Variants in GARRE1 observed in about 807,000 individuals in gnomAD.
GARRE1 encodes granule associated Rac and RHOG effector 1, also known as granule associated Rac and RHOG effector protein 1.
In GARRE1, 49 loss-of-function variants were observed where a neutral mutation model predicts 103.2. The observed-to-expected ratio is 0.47, with a 90% CI of 0.38 to 0.60. The LOEUF (loss-of-function observed/expected upper bound fraction) is 0.60, where lower values mean the gene tolerates loss of function less well. GARRE1 is among the 20% of genes least tolerant of loss of function. GARRE1 has a pLI of 0.00. For synonymous variants in GARRE1, 505 were observed against 532.8 expected, an observed-to-expected ratio of 0.95 and a Z score of 0.72; for missense variants, 1,199 against 1,370.5, an observed-to-expected ratio of 0.87 and a Z score of 1.98.
chr19:34,270,879 G>A (rs1049660344), intron 1 of GARRE1, among the ~76,000 whole-genome samples: 1 of 152,158 alleles, frequency 6.6e-6, no homozygotes, highest in African/African-American at 2.4e-5. Flanking sequence ...CTTTGTAGGG[G>A]CTGTCTTGTG....
At chr19:34,285,187 T>C (rs1358786315) in intron 1 of GARRE1, 2 of 152,230 alleles carry the variant, frequency 1.3e-5, no homozygotes, top group Non-Finnish European at 2.9e-5. Context: ...GCAAGTGATA[T>C]GATGCACCTC....
rs1198148036 is a variant in GARRE1 at position 34,311,062 on chromosome 19, C to T, written c.496-8845C>T. ...AGGGTGGAGTGCAGTGGAACAATCA[C>T]AGTTCACTGCAGCCTGAACTCCTGG... On this transcript the variant is annotated intron_variant, in intron 2 of 13. Transcript: ENST00000299505. 2.7e-4 allele frequency among the ~76,000 whole-genome samples: 41 copies of T among 152,044 alleles called. 1 individual carries two copies. Among genetic ancestry groups the T allele is most frequent in the Admixed American group, 2.7e-3 (41 of 15,266 alleles).
intron 1 of GARRE1, among the ~76,000 whole-genome samples, chr19:34,290,705 T>TCAA (rs1360281023): frequency 6.6e-6 from 1 of 151,820 alleles, no homozygotes; most frequent in East Asian, 1.9e-4. Flanking sequence ...CCCGGGCTGG[T>TCAA]CTTGAACTCC....
intron 1 of GARRE1, chr19:34,296,419 G>A (rs546749245): frequency 1.1e-5 from 18 of 1,578,958 alleles, no homozygotes; most frequent in South Asian, 5.5e-5. Flanking sequence ...GTGCGGGCAC[G>A]AGCACACTTC....
At chr19:34,327,353 A>G (rs2074116238) in intron 3 of GARRE1, 68 bp from the exon 4 acceptor site, 1 of 1,407,832 alleles carries the variant, frequency 7.1e-7, no homozygotes, top group Non-Finnish European at 9.9e-7. Flanking sequence ...TGTTGTTGTT[A>G]TTGTTGGTCT....
At chr19:34,296,239 G>C (rs7247747) in intron 1 of GARRE1, 55,587 of 616,480 alleles carry the variant, frequency 0.09, 3,720 homozygotes, top group African/African-American at 0.21. Flanking sequence ...GGGGGTCGCA[G>C]CAGTCCTTCT....
At chr19:34,279,756 C>T (rs911414843) in intron 1 of GARRE1, among the ~76,000 whole-genome samples, 7 of 151,918 alleles carry the variant, frequency 4.6e-5, no homozygotes, top group Admixed American at 4.6e-4. Flanking sequence ...GAGGCCGAGG[C>T]GGGCGGATCA....
At chr19:34,309,308 AT>A (rs2074026277) in intron 2 of GARRE1, among the ~76,000 whole-genome samples, 1 of 152,210 alleles carries the variant, frequency 6.6e-6, no homozygotes. Context: ...GTTAAGCAAT[AT>A]AACAACCAAA....
chr19:34,340,690 T>C (rs140221390), intron 9 of GARRE1, among the ~76,000 whole-genome samples: 269 of 152,150 alleles, frequency 1.8e-3, no homozygotes, highest in Non-Finnish European at 3.3e-3. Context: ...GCCCAGCTAA[T>C]TTTTGTATTT....
At chr19:34,310,538 C>A (rs328413) in intron 2 of GARRE1, among the ~76,000 whole-genome samples, 3 of 152,048 alleles carry the variant, frequency 2.0e-5, no homozygotes, top group Admixed American at 6.5e-5. Flanking sequence ...CCTGAGCACC[C>A]TTGCTCGCAC....
chr19:34,288,010 T>C lies in GARRE1; in HGVS notation c.-795-11669T>C, dbSNP rs372666883. On this transcript the variant is annotated intron_variant, in intron 1 of 13. Transcript: ENST00000299505. Reference sequence around the variant, plus strand: ...GTCTGATGACCACACCCTGACAACATAGGTGCATAGTGGGTAGTATGATTG... The same window carrying C: ...GTCTGATGACCACACCCTGACAACACAGGTGCATAGTGGGTAGTATGATTG... Among the ~76,000 whole-genome samples the C allele has an allele frequency of 1.2e-4, 18 of 152,252 alleles. No individual in the cohort carries two copies. The East Asian group carries it at 2.7e-3, about 23-fold the overall frequency.
intron 8 of GARRE1, among the ~76,000 whole-genome samples, chr19:34,339,657 A>G (rs539048837): frequency 6.6e-6 from 1 of 152,238 alleles, no homozygotes; most frequent in Non-Finnish European, 1.5e-5. Flanking sequence ...TTCTGATATC[A>G]TGAGACCTCA....
At chr19:34,309,100 A>G (rs746750322) in intron 2 of GARRE1, among the ~76,000 whole-genome samples, 1 of 152,138 alleles carries the variant, frequency 6.6e-6, no homozygotes, top group Non-Finnish European at 1.5e-5. Flanking sequence ...AAACCCTGAA[A>G]TAATCTAATC....
At chr19:34,320,182 C>T (rs752693593) in intron 3 of GARRE1, 66 bp downstream of exon 3, 2 of 1,337,174 alleles carry the variant, frequency 1.5e-6, no homozygotes, top group Non-Finnish European at 2.1e-6. Context: ...GGGCCTTTGC[C>T]TGTTGATTCT....
At chr19:34,344,719 C>T (rs1457036749) in intron 10 of GARRE1, among the ~76,000 whole-genome samples, 1 of 152,004 alleles carries the variant, frequency 6.6e-6, no homozygotes, top group East Asian at 1.9e-4. Context: ...GTTGCCCAGG[C>T]TGGAGCGCAG....
At chr19:34,292,651 T>C (rs1599759015) in intron 1 of GARRE1, among the ~76,000 whole-genome samples, 2 of 152,094 alleles carry the variant, frequency 1.3e-5, no homozygotes, top group Non-Finnish European at 2.9e-5. Context: ...TTTCGGCTCA[T>C]TGCAACCTCT....
chr19:34,344,559 C>G, intron 10 of GARRE1, among the ~76,000 whole-genome samples: 1 of 149,016 alleles, frequency 6.7e-6, no homozygotes, highest in Non-Finnish European at 1.5e-5. Flanking sequence ...CCACTGCACT[C>G]CAGCCTGGGC....
intron 11 of GARRE1, 116 bp from the exon 12 acceptor site, chr19:34,348,900 A>C: frequency 2.5e-5 from 30 of 1,192,844 alleles, no homozygotes; most frequent in Non-Finnish European, 3.1e-5. Context: ...GGGAGAGACA[A>C]GAGACCACTA....
chr19:34,311,713 C>T (rs1462528819), intron 2 of GARRE1, among the ~76,000 whole-genome samples: 2 of 152,104 alleles, frequency 1.3e-5, no homozygotes, highest in African/African-American at 2.4e-5. Context: ...TGGGTTTAGG[C>T]GACTCTCCTG....
Sources: allele counts gnomAD v4.1 joint callset (sites outside exome capture counted in the v4.1 genomes callset), GRCh38; gene constraint gnomAD v4.1.1; transcripts MANE v1.5; gene names NCBI Gene and HGNC (gene_info 2026-07-23, HGNC 2026-07-21).